The following GLP1R variants were observed in gnomAD, a reference collection of about 807,000 sequenced individuals.
GLP1R encodes glucagon like peptide 1 receptor.
In GLP1R, 32 loss-of-function variants were observed where a neutral mutation model predicts 68.4. The ratio of observed to expected loss-of-function variants is 0.47; its 90% CI spans 0.35 to 0.63. The LOEUF is 0.63. Among genes scored for constraint, GLP1R ranks in the 20% least tolerant of loss-of-function variants. The pLI is 0.00. For missense variants in GLP1R, 502 were observed against 594.9 expected (o/e 0.84, Z 1.62); for synonymous variants, 263 against 244.4 (o/e 1.08, Z -0.71).
intron 1 of GLP1R, among the ~76,000 whole-genome samples, chr6:39,055,334 C>A (rs778564410): frequency 1.3e-5 from 2 of 152,192 alleles, no homozygotes; most frequent in African/African-American, 4.8e-5. Flanking sequence ...ATACATGGGG[C>A]TCTTGGGTCA....
At chr6:39,051,727 A>T (rs926674) in intron 1 of GLP1R, among the ~76,000 whole-genome samples, 1 of 151,962 alleles carries the variant, frequency 6.6e-6, no homozygotes, top group East Asian at 1.9e-4. Flanking sequence ...GGCTATATGA[A>T]CCCCCAGTTC....
chr6:39,054,011 C>G (rs1768150609), intron 1 of GLP1R, among the ~76,000 whole-genome samples: 1 of 152,118 alleles, frequency 6.6e-6, no homozygotes, highest in Non-Finnish European at 1.5e-5. Context: ...AGTGCCCGCC[C>G]TCCTCCTTGC....
In GLP1R at chr6:39,087,759, T is replaced by G. The variant is rs917376617; in HGVS notation, c.*1686T>G. ...CTTATACTTCAGCTTCAGTGAAGTGTTGTCTATGTTAATAGGCAAGTTGAA... is the reference window on the plus strand; with the variant it reads ...CTTATACTTCAGCTTCAGTGAAGTGGTGTCTATGTTAATAGGCAAGTTGAA... On this transcript the variant is annotated 3_prime_UTR_variant, in exon 13 of 13. Transcript: ENST00000373256. 1.3e-5 allele frequency: 2 copies of G among 152,138 alleles called. No homozygotes were observed. Among genetic ancestry groups the G allele is most frequent in the Non-Finnish European group, 2.9e-5 (2 of 68,028 alleles). The allele number at this position is 152,138 out of a possible 1,614,324, so 9.4% of individuals were successfully genotyped here.
rs199816840 is a variant in GLP1R at position 39,056,492 on chromosome 6, A to G, written c.174A>G (p.Thr58=). ...TGACTGAGGATCCACCTCCTGCCAC[A>G]GGTGAGTCCATGTAGGCTCCCCACC... is the stretch of plus-strand genomic sequence containing the variant. ...RSLTEDPPPA[T]DLFCNRTFDE... Residue 58 remains threonine (T), a splice_region_variant and synonymous_variant, in exon 2 of 13, where the codon ACA becomes ACG. Coordinates refer to ENST00000373256, the MANE Select transcript of GLP1R (RefSeq NM_002062.5). 9.7e-6 allele frequency: 15 copies of G among 1,546,284 alleles called. No individual in the cohort carries two copies. The highest frequency in any genetic ancestry group is 1.3e-5 in the Non-Finnish European group (14 of 1,118,182).
Position 39,079,723 on chromosome 6 carries a change from A to T in GLP1R, c.1182+21A>T. ...TCCAGGTGACTTCATGCTTGGGGAC[A>T]CTTGCTTGTAAAGTCCTAGAGTGGG... On this transcript the variant is annotated intron_variant, in intron 11 of 12. Transcript: ENST00000373256. The surrounding 1 kb of genome is among the most constrained non-coding windows in gnomAD (Gnocchi z 4.5). The T allele has an allele frequency of 6.2e-7, 1 of 1,607,044 alleles. No individual in the cohort carries two copies. The highest frequency in any genetic ancestry group is 1.1e-5 in the South Asian group (1 of 90,688).
At chr6:39,057,050 G>C (rs189990989) in intron 2 of GLP1R, among the ~76,000 whole-genome samples, 4 of 152,210 alleles carry the variant, frequency 2.6e-5, no homozygotes, top group African/African-American at 7.2e-5. Flanking sequence ...ATTATAACAC[G>C]TGACCTAAAG....
chr6:39,079,581 T>C lies in GLP1R; in HGVS notation c.1061T>C (p.Leu354Pro). 1.2e-6 allele frequency: 2 copies of C among 1,601,990 alleles called. No individual in the cohort carries two copies. The highest frequency in any genetic ancestry group is 2.2e-5 in the East Asian group (1 of 44,586). The change falls in exon 11 of 13, where the codon CTG becomes CCG. Residue 354 changes from leucine to proline, a missense_variant. Transcript: ENST00000373256. This position sits in a 1 kb window ranked among gnomAD's most constrained non-coding sequence, Gnocchi z 4.5. ...DIKCRLAKST[L>P]TLIPLLGTHE... ...CCCCTCAGACTTGCCAAGTCCACGC[T>C]GACACTCATCCCCCTGCTGGGGACT...
intron 12 of GLP1R, among the ~76,000 whole-genome samples, chr6:39,082,850 C>A (rs1226329804): frequency 6.6e-6 from 1 of 151,786 alleles, no homozygotes; most frequent in South Asian, 2.1e-4. Flanking sequence ...TCATCTTGAC[C>A]CCCCCACGTC....
At position 39,088,035 on chromosome 6, in the gene GLP1R, A is replaced by T. The variant is rs1277643560; in HGVS notation, c.*1962A>T. ...CATAGCAACAAAGAAACAGATTGAT[A>T]TAATCTGTGTGAAATAAATTGCTGA... is the stretch of plus-strand genomic sequence containing the variant. On this transcript the variant is annotated 3_prime_UTR_variant, in exon 13 of 13. Transcript: ENST00000373256. 6.6e-6 allele frequency among the ~76,000 whole-genome samples: 1 copy of T among 152,218 alleles called. No individual in the cohort carries two copies. Among genetic ancestry groups the T allele is most frequent in the Non-Finnish European group, 1.5e-5 (1 of 68,036 alleles).
intron 3 of GLP1R, among the ~76,000 whole-genome samples, chr6:39,058,234 G>T (rs569702703): frequency 6.6e-6 from 1 of 152,312 alleles, no homozygotes; most frequent in South Asian, 2.1e-4. Flanking sequence ...TCTGCTGTGT[G>T]TATACATGTA....
chr6:39,058,563 AC>A (rs1052785993), intron 3 of GLP1R, among the ~76,000 whole-genome samples: 3 of 152,156 alleles, frequency 2.0e-5, no homozygotes, highest in Non-Finnish European at 4.4e-5. Context: ...TCACCCAGGC[AC>A]CGTGGAGGAT....
Position 39,090,163 on chromosome 6 carries a change from G to A in GLP1R, c.*4090G>A, listed in dbSNP as rs995846621. Among the ~76,000 whole-genome samples, 3 of 152,150 alleles carry A rather than the reference G, an allele frequency of 2.0e-5. No homozygotes were observed. Among genetic ancestry groups the A allele is most frequent in the African/African-American group, 4.8e-5 (2 of 41,430 alleles). On this transcript the variant is annotated 3_prime_UTR_variant, in exon 13 of 13. Coordinates refer to ENST00000373256, the MANE Select transcript of GLP1R (RefSeq NM_002062.5). ...CAGCTCTCTGGGTCTGCAGAGGGCC[G>A]AGACAGGAAGCATTATTAAGCAGTA...
intron 7 of GLP1R, among the ~76,000 whole-genome samples, chr6:39,075,111 T>A (rs1030928862): frequency 1.3e-5 from 2 of 152,218 alleles, no homozygotes; most frequent in African/African-American, 4.8e-5. Flanking sequence ...TTCTCTTGCC[T>A]GGGCTGCATC....
intron 5 of GLP1R, among the ~76,000 whole-genome samples, chr6:39,067,640 C>T (rs1483030798): frequency 6.6e-6 from 1 of 152,206 alleles, no homozygotes; most frequent in African/African-American, 2.4e-5. Flanking sequence ...AGTGACACAA[C>T]ATTCAAACCA....
chr6:39,072,476 G>A (rs1181959069), intron 5 of GLP1R, among the ~76,000 whole-genome samples: 1 of 152,236 alleles, frequency 6.6e-6, no homozygotes, highest in Non-Finnish European at 1.5e-5. Context: ...CAAGTGCCTA[G>A]TCCTGCTCTG....
chr6:39,052,589 C>T (rs1457743001), intron 1 of GLP1R, among the ~76,000 whole-genome samples: 3 of 152,222 alleles, frequency 2.0e-5, no homozygotes, highest in Admixed American at 1.3e-4. Flanking sequence ...TTCAGATTGG[C>T]AGCCAGTGTT....
chr6:39,066,214 G>A lies in GLP1R; in HGVS notation c.420G>A (p.Gln140=), dbSNP rs907706489. Residue 140 remains glutamine, a synonymous_variant, in exon 5 of 13, where the codon CAG becomes CAA. Transcript: ENST00000373256. ...KRGERSSPEE[Q]LLFLYIIYTV... ...TGCCACAGAGCTCCCCGGAGGAGCA[G>A]CTCCTGTTCCTCTACATCATCTACA... 8 of 1,607,406 alleles carry A rather than the reference G, an allele frequency of 5.0e-6. No individual in the cohort carries two copies. Among genetic ancestry groups the A allele is most frequent in the Non-Finnish European group, 6.8e-6 (8 of 1,174,418 alleles).
intron 5 of GLP1R, among the ~76,000 whole-genome samples, chr6:39,071,345 C>CAAAAAAA (rs35740935): frequency 2.6e-4 from 22 of 85,846 alleles, no homozygotes; most frequent in Middle Eastern, 6.0e-3. Flanking sequence ...GATTCCATCT[C>CAAAAAAA]AAAAAAAAAA....
At chr6:39,073,503 C>G in intron 6 of GLP1R, 107 bp from the exon 7 acceptor site, 2 of 948,272 alleles carry the variant, frequency 2.1e-6, no homozygotes, top group East Asian at 4.8e-5. Context: ...GCTCTCTCCT[C>G]CTGCATTAAC....
Sources: allele counts gnomAD v4.1 joint callset (sites outside exome capture counted in the v4.1 genomes callset), GRCh38; gene constraint gnomAD v4.1.1; non-coding constraint Gnocchi (gnomAD v3.1); transcripts MANE v1.5; gene names NCBI Gene and HGNC (gene_info 2026-07-23, HGNC 2026-07-21).